Variants in DEPDC5 observed in about 807,000 individuals in gnomAD.
The protein encoded by DEPDC5 is DEP domain containing 5, GATOR1 subcomplex subunit, also known as GATOR1 complex protein DEPDC5.
A neutral mutation model predicts 217.3 loss-of-function variants in DEPDC5; 73 were observed. The ratio of observed to expected loss-of-function variants is 0.34; its 90% CI spans 0.28 to 0.41. The LOEUF (loss-of-function observed/expected upper bound fraction) is 0.41, where lower values mean the gene tolerates loss of function less well. Among genes scored for constraint, DEPDC5 ranks in the 10% least tolerant of loss-of-function variants. The pLI is 1.00. For missense variants in DEPDC5, 1,675 were observed against 2,070.1 expected, an observed-to-expected ratio of 0.81 and a Z score of 3.70; for synonymous variants, 733 against 756.7, an observed-to-expected ratio of 0.97 and a Z score of 0.51.
chr22:31,770,741 G>T (rs1361945256), intron 7 of DEPDC5, among the ~76,000 whole-genome samples: 1 of 150,548 alleles, frequency 6.6e-6, no homozygotes, highest in Non-Finnish European at 1.5e-5. Flanking sequence ...GTTCAGTGGG[G>T]TCACAGGGTG....
At chr22:31,881,864 T>G (rs1043950979) in intron 38 of DEPDC5, among the ~76,000 whole-genome samples, 1 of 151,374 alleles carries the variant, frequency 6.6e-6, no homozygotes, top group African/African-American at 2.4e-5. Context: ...GAGAATCGCT[T>G]GAATCTGAGA....
chr22:31,836,984 C>T lies in DEPDC5; in HGVS notation c.2183C>T (p.Ser728Phe). The T allele has an allele frequency of 6.2e-7, 1 of 1,610,640 alleles. No homozygotes were observed. The highest frequency in any genetic ancestry group is 8.5e-7 in the Non-Finnish European group (1 of 1,178,516). Residue 728 changes from serine (S) to phenylalanine (F), a missense_variant, in exon 26 of 43, where the codon TCT becomes TTT. Ser to Phe is a radical substitution (Grantham distance 155). Transcript: ENST00000651528. Reference protein sequence around the residue: ...STSPDPILTLSAPPVVPGFCC... With the variant: ...STSPDPILTLFAPPVVPGFCC... ...TTACGTGAGGCAGTTCTGACACTGT[C>T]TGCTCCCCCTGTAGTGCCAGGCTTC... is the stretch of plus-strand genomic sequence containing the variant.
At chr22:31,859,239 C>T (rs547893319) in intron 32 of DEPDC5, among the ~76,000 whole-genome samples, 8 of 151,388 alleles carry the variant, frequency 5.3e-5, no homozygotes, top group East Asian at 1.9e-4. Context: ...TACAGGCGCC[C>T]GCCACCACGC....
intron 3 of DEPDC5, 149 bp from the exon 4 acceptor site, chr22:31,760,507 T>G (rs1172474559): frequency 3.0e-6 from 2 of 663,412 alleles, no homozygotes; most frequent in Non-Finnish European, 5.1e-6. Flanking sequence ...CCTGGCCGAG[T>G]TTCTTTGTTT....
At position 31,845,217 on chromosome 22, in the gene DEPDC5, C is replaced by T. The variant is rs1237850217; in HGVS notation, c.3001C>T (p.Arg1001Cys). ...EGLNRIRRRH[R>C]SDRMMRKGTA... ...CTTGAATCGCATTCGCAGGCGGCAT[C>T]GCTCGGATCGCATGATGCGGGTAAG... Residue 1001 changes from arginine to cysteine, a missense_variant, in exon 30 of 43, where the codon CGC (arginine) becomes TGC (cysteine). Arg to Cys is a radical substitution (Grantham distance 180, BLOSUM62 -3). Coordinates refer to ENST00000651528, the MANE Select transcript of DEPDC5 (RefSeq NM_001242896.3). 10 of 1,614,024 alleles carry T rather than the reference C, an allele frequency of 6.2e-6. No homozygotes were observed. The highest frequency in any genetic ancestry group is 1.1e-5 in the South Asian group (1 of 91,050).
intron 38 of DEPDC5, among the ~76,000 whole-genome samples, chr22:31,885,724 CAAA>C (rs1172720967): frequency 4.8e-5 from 3 of 62,290 alleles, no homozygotes; most frequent in Non-Finnish European, 3.1e-5. Context: ...GACTCCATCT[CAAA>C]AAAAAAAAAA....
At chr22:31,841,800 G>A (rs1487361905) in intron 27 of DEPDC5, among the ~76,000 whole-genome samples, 2 of 152,224 alleles carry the variant, frequency 1.3e-5, no homozygotes, top group African/African-American at 4.8e-5. Flanking sequence ...TTACTTAGGT[G>A]TGGAAAGTTG....
chr22:31,809,320 G>A (rs1201566431), intron 18 of DEPDC5, among the ~76,000 whole-genome samples: 2 of 152,150 alleles, frequency 1.3e-5, no homozygotes, highest in African/African-American at 4.8e-5. Flanking sequence ...TTGAATTTTG[G>A]CTCTGCCACC....
At chr22:31,798,713 C>A in intron 14 of DEPDC5, 57 bp downstream of exon 14, 1 of 1,550,638 alleles carries the variant, frequency 6.4e-7, no homozygotes, top group East Asian at 2.3e-5. Context: ...GCTATGTTAC[C>A]GGAAAGGTGT....
At chr22:31,800,676 TA>T (rs978949145) in intron 14 of DEPDC5, among the ~76,000 whole-genome samples, 30 of 151,938 alleles carry the variant, frequency 2.0e-4, no homozygotes, top group Admixed American at 3.3e-4. Context: ...AAATCTACTT[TA>T]AAAAAAATTA....
intron 4 of DEPDC5, among the ~76,000 whole-genome samples, chr22:31,762,625 T>C (rs1479888458): frequency 1.3e-5 from 2 of 152,020 alleles, no homozygotes; most frequent in African/African-American, 2.4e-5. Context: ...TAGCCAGGCA[T>C]TGTGGCGCAT....
chr22:31,885,368 G>A (rs754651166), intron 38 of DEPDC5, among the ~76,000 whole-genome samples: 24 of 152,156 alleles, frequency 1.6e-4, no homozygotes, highest in Non-Finnish European at 3.2e-4. Context: ...TTCCGCCTGG[G>A]GCACTGTTCC....
At chr22:31,905,526 G>A (rs1288405852) in intron 41 of DEPDC5, among the ~76,000 whole-genome samples, 1 of 151,946 alleles carries the variant, frequency 6.6e-6, no homozygotes, top group Non-Finnish European at 1.5e-5. Flanking sequence ...ATAGCCTCGA[G>A]TATGCGGGTG....
intron 3 of DEPDC5, 109 bp downstream of exon 3, chr22:31,758,742 A>G: frequency 1.8e-6 from 2 of 1,088,894 alleles, no homozygotes; most frequent in South Asian, 1.3e-5. Context: ...TGATGGCTCA[A>G]TCCTGTAATT....
intron 25 of DEPDC5, among the ~76,000 whole-genome samples, chr22:31,836,321 G>T (rs1398079889): frequency 6.6e-6 from 1 of 152,210 alleles, no homozygotes. Flanking sequence ...GAGAAACTCT[G>T]CTTTAACTGA....
At chr22:31,902,408 T>TATA (rs2093663741) in intron 41 of DEPDC5, among the ~76,000 whole-genome samples, 8 of 111,926 alleles carry the variant, frequency 7.1e-5, no homozygotes, top group African/African-American at 2.4e-4. Flanking sequence ...CATCTCCTTA[T>TATA]TATATATATA....
At position 31,804,159 on chromosome 22, in the gene DEPDC5, T is replaced by A. The variant is rs780547994; in HGVS notation, c.1082-3T>A. On this transcript the variant is annotated splice_polypyrimidine_tract_variant and splice_region_variant and intron_variant, in intron 15 of 42. Transcript: ENST00000651528. ...CAATTCTTTTTGTCTTTTCTTTTTT[T>A]AGGAATTGGTGTGGATTTGGTGTGC... is the stretch of plus-strand genomic sequence containing the variant. The A allele has an allele frequency of 3.6e-5, 58 of 1,614,000 alleles. No individual in the cohort carries two copies. Among genetic ancestry groups the A allele is most frequent in the Non-Finnish European group, 3.2e-5 (38 of 1,179,978 alleles).
chr22:31,810,448 T>G, intron 19 of DEPDC5, 73 bp from the exon 20 acceptor site: 1 of 1,593,258 alleles, frequency 6.3e-7, no homozygotes, highest in East Asian at 2.2e-5. Context: ...ATTTATATTA[T>G]TTGTGTATTT....
At chr22:31,778,886 G>A (rs2084148903) in intron 8 of DEPDC5, among the ~76,000 whole-genome samples, 1 of 152,162 alleles carries the variant, frequency 6.6e-6, no homozygotes, top group South Asian at 2.1e-4. Context: ...TTTTGACAAT[G>A]TCTAAAGACA....
Sources: allele counts gnomAD v4.1 joint callset (sites outside exome capture counted in the v4.1 genomes callset), GRCh38; gene constraint gnomAD v4.1.1; transcripts MANE v1.5; gene names NCBI Gene and HGNC (gene_info 2026-07-23, HGNC 2026-07-21).